Variants in GTF2IRD1 observed in about 807,000 individuals in gnomAD.
GTF2IRD1 encodes GTF2I repeat domain containing 1.
GTF2IRD1 carries 26 observed loss-of-function variants against 113.2 expected under a neutral mutation model. The ratio of observed to expected loss-of-function variants is 0.23; its 90% CI spans 0.17 to 0.32. GTF2IRD1 has a LOEUF of 0.32. GTF2IRD1 is among the 10% of genes least tolerant of loss of function. The pLI is 1.00. For missense variants in GTF2IRD1, 864 were observed against 1,280.8 expected (o/e 0.67, Z 4.97); for synonymous variants, 484 against 529.1 (o/e 0.91, Z 1.17).
rs587644510 is a variant in GTF2IRD1 at position 74,577,239 on chromosome 7, A to G, written c.2321-12612A>G. The stretch of plus-strand genomic sequence containing the variant: ...TTTTTAGTAGAGACGGGATTTCGCC[A>G]TGTTGGCCAGACTAGTCTTGAACTC... On this transcript the variant is annotated intron_variant, in intron 22 of 26. Transcript: ENST00000424337. Among the ~76,000 whole-genome samples, 360 of 152,178 alleles carry G rather than the reference A, an allele frequency of 2.4e-3. 1 individual carries two copies. The highest frequency in any genetic ancestry group is 8.1e-3 in the African/African-American group (337 of 41,538).
Position 74,545,798 on chromosome 7 carries a change from A to G in GTF2IRD1, c.1721A>G (p.Asn574Ser). ...PLRKQVELLF[N>S]TRYAKAIGIS... is the part of the protein sequence containing the mutation. The stretch of plus-strand genomic sequence containing the variant: ...CGGAAGCAGGTGGAGCTGCTCTTCA[A>G]CACACGATACGGTGAGCAAGAAGTG... Residue 574 changes from asparagine to serine, a missense_variant, in exon 16 of 27, where the codon AAC becomes AGC. By Grantham distance (46) the Asn-to-Ser change is conservative (BLOSUM62 1). Coordinates refer to ENST00000424337, the MANE Select transcript of GTF2IRD1 (RefSeq NM_005685.4). 6.2e-7 allele frequency: 1 copy of G among 1,612,662 alleles called. No homozygotes were observed. Among genetic ancestry groups the G allele is most frequent in the Non-Finnish European group, 8.5e-7 (1 of 1,178,860 alleles).
At chr7:74,565,745 G>A (rs962303830) in intron 22 of GTF2IRD1, among the ~76,000 whole-genome samples, 5 of 152,226 alleles carry the variant, frequency 3.3e-5, no homozygotes, top group Non-Finnish European at 7.3e-5. Context: ...CAGTGCAGGA[G>A]GATTGCTTGA....
chr7:74,543,257 G>A (rs1400879710), intron 14 of GTF2IRD1, among the ~76,000 whole-genome samples: 2 of 152,188 alleles, frequency 1.3e-5, no homozygotes, highest in African/African-American at 4.8e-5. Flanking sequence ...AGCCAAGATC[G>A]CACCATTGCA....
chr7:74,569,239 T>G (rs140868143), intron 22 of GTF2IRD1, among the ~76,000 whole-genome samples: 27 of 152,266 alleles, frequency 1.8e-4, no homozygotes, highest in African/African-American at 6.0e-4. Context: ...AATCCCCTCC[T>G]CCCATCCCGC....
rs1554345344 is a variant in GTF2IRD1, at chr7:74,519,419, G to C, written c.616G>C (p.Asp206His). Reference sequence around the variant, plus strand: ...CTCTCCTTTACTCAGGCCACTTGAGGATGGCGGGCGGGACTCGAAGGCCCT... The same window carrying C: ...CTCTCCTTTACTCAGGCCACTTGAGCATGGCGGGCGGGACTCGAAGGCCCT... The part of the protein sequence containing the change: ...IRFKLKRPLE[D>H]GGRDSKALVE... Residue 206 changes from aspartate (D) to histidine (H), a missense_variant, in exon 6 of 27, where the codon GAT becomes CAT. By Grantham distance (81) the Asp-to-His change is moderately conservative. Around this residue, in one of 7 missense-constraint regions of GTF2IRD1, gnomAD observed 195 missense variants for 196.6 expected, o/e 0.99. Transcript: ENST00000424337. The C allele has an allele frequency of 6.5e-7, 1 of 1,527,272 alleles. No homozygotes were observed. The highest frequency in any genetic ancestry group is 2.1e-5 in the Admixed American group (1 of 47,132). 94.6% of individuals were successfully genotyped at this position (1,527,272 alleles called of 1,614,324 possible).
intron 1 of GTF2IRD1, among the ~76,000 whole-genome samples, chr7:74,485,445 G>A (rs1421907599): frequency 2.6e-5 from 4 of 151,882 alleles, no homozygotes; most frequent in African/African-American, 7.3e-5. Flanking sequence ...GTGAAACCCC[G>A]TCTCTACTAA....
intron 8 of GTF2IRD1, 118 bp downstream of exon 8, chr7:74,524,272 G>A (rs999714956): frequency 6.1e-5 from 39 of 643,520 alleles, no homozygotes; most frequent in African/African-American, 2.8e-4. Context: ...GCTCCCGCGC[G>A]CCGGCACCGC....
At chr7:74,590,783 C>A in intron 23 of GTF2IRD1, 42 bp from the exon 24 acceptor site, 2 of 1,393,282 alleles carry the variant, frequency 1.4e-6, no homozygotes, top group Non-Finnish European at 2.0e-6. Flanking sequence ...TTGCCATTGA[C>A]AGGAGACATC....
At chr7:74,482,525 G>T (rs1056874343) in intron 1 of GTF2IRD1, among the ~76,000 whole-genome samples, 1 of 151,998 alleles carries the variant, frequency 6.6e-6, no homozygotes, top group Non-Finnish European at 1.5e-5. Flanking sequence ...ACTGTTTCTG[G>T]CCTTATGCAC....
At chr7:74,596,676 A>G (rs1486184407) in intron 25 of GTF2IRD1, among the ~76,000 whole-genome samples, 2 of 151,690 alleles carry the variant, frequency 1.3e-5, no homozygotes, top group Non-Finnish European at 2.9e-5. Context: ...CTGATTGGCC[A>G]GGTGTGGTGG....
chr7:74,558,364 T>TTTTTTTTTTTTTTTTTTTTTTTG, intron 20 of GTF2IRD1, among the ~76,000 whole-genome samples: 3 of 121,280 alleles, frequency 2.5e-5, no homozygotes, highest in Non-Finnish European at 1.8e-5. Flanking sequence ...TTTTTTTTTT[T>TTTTTTTTTTTTTTTTTTTTTTTG]TTTTTTTTTT....
intron 1 of GTF2IRD1, among the ~76,000 whole-genome samples, chr7:74,479,408 G>T (rs889248493): frequency 1.3e-5 from 2 of 149,612 alleles, no homozygotes; most frequent in Non-Finnish European, 3.0e-5. Flanking sequence ...ACACGTGGGC[G>T]GCCCAGGCTG....
Position 74,524,081 on chromosome 7 carries a change from C to T in GTF2IRD1, c.1017C>T (p.Asp339=), listed in dbSNP as rs782102271. 3.1e-6 allele frequency: 5 copies of T among 1,610,590 alleles called. No individual in the cohort carries two copies. Among genetic ancestry groups the T allele is most frequent in the East Asian group, 2.2e-5 (1 of 44,826 alleles). Residue 339 remains aspartate (D), a synonymous_variant, in exon 8 of 27, where the codon GAC becomes GAT. Coordinates refer to ENST00000424337, the MANE Select transcript of GTF2IRD1 (RefSeq NM_005685.4). ...CCTGTGTTTTGATAGAGAAGTGGGACGCCTTCATAAAGGAAACCGAGGACA... is the reference window on the plus strand; with the variant it reads ...CCTGTGTTTTGATAGAGAAGTGGGATGCCTTCATAAAGGAAACCGAGGACA... The part of the protein sequence containing the change: ...SIVHDKSEKW[D]AFIKETEDIN...
chr7:74,533,439 C>T (rs587627277), intron 9 of GTF2IRD1, among the ~76,000 whole-genome samples: 1 of 152,144 alleles, frequency 6.6e-6, no homozygotes, highest in East Asian at 1.9e-4. Flanking sequence ...CCGGCTGGTT[C>T]CATGCATCTT....
intron 1 of GTF2IRD1, among the ~76,000 whole-genome samples, chr7:74,504,945 T>G (rs566510138): frequency 6.6e-5 from 10 of 152,144 alleles, no homozygotes; most frequent in Admixed American, 2.0e-4. Context: ...TGACCTCAAG[T>G]GATCTGCCTG....
chr7:74,592,296 G>A (rs1398920722), intron 24 of GTF2IRD1, among the ~76,000 whole-genome samples: 9 of 151,402 alleles, frequency 5.9e-5, no homozygotes, highest in Admixed American at 2.0e-4. Flanking sequence ...GTAGAGATGG[G>A]GTTTCACCAT....
In GTF2IRD1 at chr7:74,558,833, C is replaced by T. The variant is rs185940582; in HGVS notation, c.2108-28C>T. On this transcript the variant is annotated intron_variant, in intron 20 of 26. Transcript: ENST00000424337. ...ACCCCACGCTGCCTCTCACTCCTGA[C>T]GGGCAGGACCCTGCCTCTCGCCCAC... The T allele has an allele frequency of 5.2e-4, 819 of 1,588,204 alleles. No homozygotes were observed. In the East Asian group the frequency reaches 6.1e-3, roughly 12 times the overall value.
At chr7:74,578,079 A>G (rs1481207765) in intron 22 of GTF2IRD1, among the ~76,000 whole-genome samples, 32 of 152,336 alleles carry the variant, frequency 2.1e-4, no homozygotes, top group African/African-American at 7.5e-4. Context: ...TGCTGAGATT[A>G]TAGGTGTGAG....
chr7:74,570,752 C>T (rs1318039455), intron 22 of GTF2IRD1, among the ~76,000 whole-genome samples: 1 of 152,180 alleles, frequency 6.6e-6, no homozygotes, highest in African/African-American at 2.4e-5. Context: ...GGCATTTAAG[C>T]AGAGGTTGAG....
Sources: gnomAD v4.1 joint callset for allele counts (sites outside exome capture counted in the v4.1 genomes callset) on GRCh38, gnomAD v4.1.1 for gene constraint, gnomAD v4.1.1 regional missense constraint, MANE v1.5 for transcripts, NCBI Gene and HGNC (gene_info 2026-07-23, HGNC 2026-07-21) for gene names.